Variants in CERT1 observed in about 807,000 individuals in gnomAD.
CERT1 encodes the protein ceramide transporter 1.
A neutral mutation model predicts 87.9 loss-of-function variants in CERT1; 31 were observed. That is an observed-to-expected ratio of 0.35 (90% CI 0.27 to 0.48). The LOEUF is 0.48. CERT1 is among the 20% of genes least tolerant of loss of function. The pLI is 0.99. For missense variants in CERT1, 487 were observed against 758.0 expected (o/e 0.64, Z 4.20); for synonymous variants, 289 against 250.9 (o/e 1.15, Z -1.44).
intron 11 of CERT1, among the ~76,000 whole-genome samples, chr5:75,397,396 C>G (rs1438622911): frequency 1.3e-5 from 2 of 152,098 alleles, no homozygotes; most frequent in African/African-American, 4.8e-5. Context: ...AAGAAGTAAG[C>G]TGTCAGCAAA....
At chr5:75,387,437 T>C (rs377629135) in intron 12 of CERT1, among the ~76,000 whole-genome samples, 5 of 152,024 alleles carry the variant, frequency 3.3e-5, no homozygotes, top group African/African-American at 1.2e-4. Context: ...ATCAGCTTGA[T>C]CTTCTTAAAA....
chr5:75,414,853 T>C (rs1044537631), intron 7 of CERT1, among the ~76,000 whole-genome samples: 55 of 152,094 alleles, frequency 3.6e-4, no homozygotes, highest in African/African-American at 1.3e-3. Flanking sequence ...TCATCACTGT[T>C]TTCCCATTCC....
intron 1 of CERT1, among the ~76,000 whole-genome samples, chr5:75,507,245 A>G (rs1767691423): frequency 6.6e-6 from 1 of 151,990 alleles, no homozygotes; most frequent in African/African-American, 2.4e-5. Flanking sequence ...CAGCCTCCCA[A>G]GTGATTGAGA....
chr5:75,371,476 T>C (rs1761082789), intron 17 of CERT1: 1 of 152,230 alleles, frequency 6.6e-6, no homozygotes, highest in Non-Finnish European at 1.5e-5. Context: ...ATAAATTAGT[T>C]GATGAAACTG....
chr5:75,440,107 T>C (rs1267316123), intron 3 of CERT1, among the ~76,000 whole-genome samples: 2 of 151,960 alleles, frequency 1.3e-5, no homozygotes, highest in Non-Finnish European at 2.9e-5. Flanking sequence ...ATACCAAGAC[T>C]CAGACTGAAA....
chr5:75,421,257 T>C (rs558023941), intron 5 of CERT1, among the ~76,000 whole-genome samples: 2 of 152,348 alleles, frequency 1.3e-5, no homozygotes, highest in Admixed American at 1.3e-4. Context: ...CTGTCTTTTT[T>C]ATGGATGCAG....
intron 7 of CERT1, among the ~76,000 whole-genome samples, chr5:75,413,176 G>A (rs374732893): frequency 6.6e-6 from 1 of 152,082 alleles, no homozygotes; most frequent in Admixed American, 6.6e-5. Flanking sequence ...GGATCATCAA[G>A]ATGTCACTAG....
intron 2 of CERT1, among the ~76,000 whole-genome samples, chr5:75,486,202 C>G (rs770000195): frequency 1.3e-5 from 2 of 151,998 alleles, no homozygotes; most frequent in African/African-American, 4.8e-5. Flanking sequence ...GTTCAACATA[C>G]GCAAATCTAC....
chr5:75,382,066 A>G lies in CERT1; in HGVS notation c.1500T>C (p.Pro500=). 6.2e-7 allele frequency: 1 copy of G among 1,614,006 alleles called. No individual in the cohort carries two copies. Among genetic ancestry groups the G allele is most frequent in the Non-Finnish European group, 8.5e-7 (1 of 1,179,932 alleles). ...IIYQTHKRVW[P]ASQRDVLYLS... is the part of the protein sequence containing the mutation. ...GATATAATACGTCTCGCTGAGAAGC[A>G]GGCCACACCCTCTGTGGAGAAGTAA... The change falls in exon 15 of 17, where the codon CCT becomes CCC. Residue 500 remains proline, a synonymous_variant. Coordinates refer to ENST00000643780, the MANE Select transcript of CERT1 (RefSeq NM_001379029.1).
At chr5:75,402,105 T>G (rs1310613756) in intron 9 of CERT1, 1 of 152,204 alleles carries the variant, frequency 6.6e-6, no homozygotes, top group African/African-American at 2.4e-5. Flanking sequence ...AGAAATACTT[T>G]TCTTCAATTT....
chr5:75,501,156 AT>A (rs536105518), intron 2 of CERT1, among the ~76,000 whole-genome samples: 1 of 151,900 alleles, frequency 6.6e-6, no homozygotes, highest in Non-Finnish European at 1.5e-5. Flanking sequence ...TGATTTGTGT[AT>A]TTTTTTGATG....
At chr5:75,410,527 G>A (rs909230686) in intron 8 of CERT1, among the ~76,000 whole-genome samples, 12 of 151,028 alleles carry the variant, frequency 7.9e-5, no homozygotes, top group African/African-American at 2.7e-4. Flanking sequence ...GGAGAATGGC[G>A]TGAACCCGGG....
At chr5:75,461,821 G>GAAAAAAAAAAAAAAAAA (rs11404644) in intron 2 of CERT1, among the ~76,000 whole-genome samples, 1 of 89,702 alleles carries the variant, frequency 1.1e-5, no homozygotes. Context: ...TCAACAAAGT[G>GAAAAAAAAAAAAAAAAA]AAAAAAAAAA....
chr5:75,448,437 C>G (rs1764642992), intron 3 of CERT1, among the ~76,000 whole-genome samples: 2 of 152,106 alleles, frequency 1.3e-5, no homozygotes, highest in South Asian at 4.1e-4. Flanking sequence ...ATTCCTACCC[C>G]AATGTTGTTT....
chr5:75,507,357 T>C (rs1305976165), intron 1 of CERT1, among the ~76,000 whole-genome samples: 3 of 152,250 alleles, frequency 2.0e-5, no homozygotes, highest in East Asian at 1.9e-4. Flanking sequence ...GCGATCTGTC[T>C]TCCTTGGTCT....
upstream of CERT1, chr5:75,511,681 C>T (rs531428706): frequency 7.2e-6 from 11 of 1,532,300 alleles, no homozygotes; most frequent in Non-Finnish European, 9.7e-6. Flanking sequence ...CATTCTCCCC[C>T]ACTACTCCCC....
chr5:75,455,653 GA>G (rs1764952161), intron 3 of CERT1, among the ~76,000 whole-genome samples: 1 of 152,064 alleles, frequency 6.6e-6, no homozygotes, highest in South Asian at 2.1e-4. Flanking sequence ...ATCCACGGGC[GA>G]AAAGAAAAAT....
intron 8 of CERT1, among the ~76,000 whole-genome samples, chr5:75,405,571 A>T (rs969079371): frequency 5.3e-5 from 8 of 152,078 alleles, no homozygotes; most frequent in Non-Finnish European, 1.2e-4. Context: ...ACCTGGGCCT[A>T]ATCTTGGATT....
intron 9 of CERT1, chr5:75,401,254 A>C (rs1762461325): frequency 6.6e-6 from 1 of 152,144 alleles, no homozygotes; most frequent in Non-Finnish European, 1.5e-5. Context: ...TGGCCCCATG[A>C]ATATTTCTTT....
Sources: allele counts gnomAD v4.1 joint callset (sites outside exome capture counted in the v4.1 genomes callset), GRCh38; gene constraint gnomAD v4.1.1; transcripts MANE v1.5; gene names NCBI Gene and HGNC (gene_info 2026-07-23, HGNC 2026-07-21).